UBE3D: variants seen among roughly 807,000 people sequenced by gnomAD.
UBE3D encodes the protein E3 ubiquitin-protein ligase E3D.
Under a neutral mutation model 49.6 loss-of-function variants are expected in UBE3D, and 48 were observed. The observed-to-expected ratio is 0.97, with a 90% CI of 0.77 to 1.23. The LOEUF (loss-of-function observed/expected upper bound fraction) is 1.23. UBE3D is among the 50% of genes most tolerant of loss of function. UBE3D has a pLI of 0.00. For missense variants in UBE3D, 452 were observed against 468.4 expected (o/e 0.96, Z 0.32); for synonymous variants, 189 against 174.2 (o/e 1.08, Z -0.67).
At chr6:83,019,287 C>A in intron 7 of UBE3D, 151 bp from the exon 8 acceptor site, 50 of 544,226 alleles carry the variant, frequency 9.2e-5, no homozygotes, top group East Asian at 1.5e-4. Flanking sequence ...GTAGGCCTTT[C>A]AAAACATAAC....
In UBE3D at chr6:82,963,597, G is replaced by A. The variant is rs548750929; in HGVS notation, c.1011-6147C>T. Among the ~76,000 whole-genome samples the A allele has an allele frequency of 5.9e-5, 9 of 152,282 alleles. No individual in the cohort carries two copies. In the South Asian group the frequency reaches 1.9e-3, roughly 32 times the overall value. The stretch of plus-strand genomic sequence containing the variant: ...AGCATGGGAGAAGCAGGTAGGCTGG[G>A]AGGCTAAGTCAATTTAGCCTTTTCA... On this transcript the variant is annotated intron_variant, in intron 8 of 9. Coordinates refer to ENST00000369747, the MANE Select transcript of UBE3D (RefSeq NM_198920.3).
At position 82,929,551 on chromosome 6, in the gene UBE3D, G is replaced by T. The variant is rs117024745; in HGVS notation, c.1149+27761C>A. Among the ~76,000 whole-genome samples the T allele has an allele frequency of 4.6e-3, 692 of 151,916 alleles. 3 individuals are homozygous for T. Among genetic ancestry groups the T allele is most frequent in the Non-Finnish European group, 7.0e-3 (475 of 67,932 alleles). On this transcript the variant is annotated intron_variant, in intron 9 of 9. Coordinates refer to ENST00000369747, the MANE Select transcript of UBE3D (RefSeq NM_198920.3). ...TCTAGCAAAGTCTAAGTACTTTAGT[G>T]GGTTTTTTTGTTGGTGTGTTTGTTC...
chr6:83,058,670 C>T (rs1783972198), intron 1 of UBE3D, among the ~76,000 whole-genome samples: 1 of 152,246 alleles, frequency 6.6e-6, no homozygotes. Context: ...GACAGCAGGT[C>T]ATCCACATGG....
chr6:82,953,251 C>A (rs925014719), intron 9 of UBE3D, among the ~76,000 whole-genome samples: 29 of 152,234 alleles, frequency 1.9e-4, no homozygotes, highest in African/African-American at 7.0e-4. Flanking sequence ...GGCATCATTC[C>A]CATATTCCCT....
chr6:82,979,386 T>C (rs925835994), intron 8 of UBE3D, among the ~76,000 whole-genome samples: 8 of 152,086 alleles, frequency 5.3e-5, no homozygotes, highest in African/African-American at 1.9e-4. Context: ...TGAGAGAAAT[T>C]TTGCTCCTCT....
chr6:83,031,386 G>A (rs1306345531), intron 5 of UBE3D, among the ~76,000 whole-genome samples: 3 of 152,186 alleles, frequency 2.0e-5, no homozygotes, highest in Admixed American at 6.5e-5. Context: ...GTAGCTGGAC[G>A]ATTAGGTAGA....
intron 9 of UBE3D, among the ~76,000 whole-genome samples, chr6:82,918,296 A>C (rs1014550175): frequency 1.5e-4 from 23 of 151,962 alleles, no homozygotes; most frequent in South Asian, 1.0e-3. Context: ...ACAACAAAAA[A>C]AAAACAAAAA....
Position 82,892,630 on chromosome 6 carries a change from CA to C in UBE3D, c.*391del, listed in dbSNP as rs1771020075. The C allele has an allele frequency of 1.0e-5, 2 of 192,932 alleles. No individual in the cohort carries two copies. The highest frequency in any genetic ancestry group is 2.4e-5 in the African/African-American group (1 of 42,438). The allele number at this position is 192,932 out of a possible 1,614,324, so 12.0% of individuals were successfully genotyped here. A position where few individuals can be genotyped will look rare whatever the true frequency, so the allele number is the denominator to read the frequency against. On this transcript the variant is annotated 3_prime_UTR_variant, in exon 10 of 10. Coordinates refer to ENST00000369747, the MANE Select transcript of UBE3D (RefSeq NM_198920.3). Reference sequence around the variant, plus strand: ...TTAAAAGTTTATTTCCTAGGATTTACAGCAGTTAACATTCAGTTCCACCAAT... The same window carrying C: ...TTAAAAGTTTATTTCCTAGGATTTACGCAGTTAACATTCAGTTCCACCAAT...
intron 8 of UBE3D, among the ~76,000 whole-genome samples, chr6:82,991,020 C>A (rs748878869): frequency 9.2e-5 from 14 of 152,184 alleles, no homozygotes; most frequent in Non-Finnish European, 1.3e-4. Flanking sequence ...GATAGGGTTA[C>A]TGCTTCCAAG....
chr6:83,055,704 C>T (rs776295103), intron 2 of UBE3D, among the ~76,000 whole-genome samples: 3 of 152,186 alleles, frequency 2.0e-5, no homozygotes, highest in Non-Finnish European at 2.9e-5. Flanking sequence ...CCGAGGGTCA[C>T]AGTTTGACAC....
chr6:82,932,363 C>T (rs1774224802), intron 9 of UBE3D, among the ~76,000 whole-genome samples: 1 of 152,092 alleles, frequency 6.6e-6, no homozygotes, highest in Non-Finnish European at 1.5e-5. Flanking sequence ...GTATCTGGTC[C>T]TATAAAATGG....
chr6:83,015,592 C>A (rs901023290), intron 8 of UBE3D, among the ~76,000 whole-genome samples: 1 of 152,152 alleles, frequency 6.6e-6, no homozygotes, highest in Non-Finnish European at 1.5e-5. Flanking sequence ...TGTTTATATA[C>A]ATTAGAAAAC....
chr6:82,942,533 A>G (rs559623402), intron 9 of UBE3D, among the ~76,000 whole-genome samples: 31 of 152,332 alleles, frequency 2.0e-4, no homozygotes, highest in African/African-American at 7.2e-4. Context: ...CTAGGAGGAA[A>G]AAATGGTTTT....
rs1013193748 is a variant in UBE3D, at chr6:83,019,109, C to G, written c.874G>C (p.Val292Leu). ...LLWLLNSDSL[V>L]IESLRNSKYI... is the part of the protein sequence containing the mutation. ...TTGGAATTTCTCAAAGATTCAATCA[C>G]CAAACTGTCTGAATTTAAAAGCCAT... The change falls in exon 8 of 10, where the codon GTG becomes CTG. Residue 292 changes from valine to leucine, a missense_variant. Coordinates refer to ENST00000369747, the MANE Select transcript of UBE3D (RefSeq NM_198920.3). The G allele has an allele frequency of 4.3e-6, 7 of 1,613,012 alleles. No homozygotes were observed. The highest frequency in any genetic ancestry group is 5.1e-6 in the Non-Finnish European group (6 of 1,179,724).
At chr6:82,963,114 T>C (rs547613971) in intron 8 of UBE3D, among the ~76,000 whole-genome samples, 1 of 149,458 alleles carries the variant, frequency 6.7e-6, no homozygotes, top group African/African-American at 2.5e-5. Context: ...AAGTAATAAA[T>C]AAAAATGAAA....
chr6:83,041,423 A>C (rs549706544), intron 4 of UBE3D, among the ~76,000 whole-genome samples: 52 of 152,362 alleles, frequency 3.4e-4, no homozygotes, highest in African/African-American at 1.2e-3. Flanking sequence ...AGATTCTTTT[A>C]AGACAATTGA....
At chr6:82,966,178 C>T (rs551767326) in intron 8 of UBE3D, among the ~76,000 whole-genome samples, 102 of 151,990 alleles carry the variant, frequency 6.7e-4, no homozygotes, top group Non-Finnish European at 1.2e-3. Flanking sequence ...TTGTTTGATT[C>T]CATTTATATA....
At chr6:82,937,522 G>C (rs1252698476) in intron 9 of UBE3D, among the ~76,000 whole-genome samples, 2 of 152,180 alleles carry the variant, frequency 1.3e-5, no homozygotes, top group East Asian at 3.9e-4. Context: ...GCCATGCTCA[G>C]TGTGTGGGAA....
intron 9 of UBE3D, among the ~76,000 whole-genome samples, chr6:82,922,295 C>G (rs1313153958): frequency 6.6e-6 from 1 of 152,078 alleles, no homozygotes; most frequent in Non-Finnish European, 1.5e-5. Flanking sequence ...AACACCATGC[C>G]CAGATAGTTT....
Sources: gnomAD v4.1 joint callset for allele counts (sites outside exome capture counted in the v4.1 genomes callset) on GRCh38, gnomAD v4.1.1 for gene constraint, MANE v1.5 for transcripts, NCBI Gene and HGNC (gene_info 2026-07-23, HGNC 2026-07-21) for gene names.